SYNE2: variants seen among roughly 807,000 people sequenced by gnomAD.
The protein encoded by SYNE2 is spectrin repeat containing nuclear envelope protein 2, also known as nesprin-2.
A neutral mutation model predicts 856.3 loss-of-function variants in SYNE2; 431 were observed. The observed-to-expected ratio is 0.50, with a 90% confidence interval of 0.47 to 0.55. The LOEUF is 0.55. SYNE2 is among the 20% of genes least tolerant of loss of function. SYNE2 has a pLI of 0.00. For missense variants in SYNE2, 8,129 were observed against 8,023.2 expected (o/e 1.01, Z -0.50); for synonymous variants, 2,923 against 2,872.3 (o/e 1.02, Z -0.56).
At chr14:64,112,290 C>A (rs558904153) in intron 65 of SYNE2, among the ~76,000 whole-genome samples, 1 of 152,328 alleles carries the variant, frequency 6.6e-6, no homozygotes, top group African/African-American at 2.4e-5. Flanking sequence ...TTATTAGATG[C>A]TAACACGTTA....
chr14:64,128,462 A>C lies in SYNE2; in HGVS notation c.13928A>C (p.Lys4643Thr). ...DYNRSYQNEI[K>T]RLYHQLIKSK... ...ACATTTATCTTACAGAATGAAATAA[A>C]GAGATTATATCATCAGCTCATTAAG... Residue 4643 changes from lysine to threonine, a missense_variant, in exon 74 of 116, where the codon AAG becomes ACG. This residue lies in a region of SYNE2 where 5,410 missense variants were observed against 5,284.8 expected (regional missense o/e 1.02). Coordinates refer to ENST00000555002, the MANE Select transcript of SYNE2 (RefSeq NM_182914.3). 1.3e-6 allele frequency: 2 copies of C among 1,537,922 alleles called. No homozygotes were observed. Among genetic ancestry groups the C allele is most frequent in the Non-Finnish European group, 1.8e-6 (2 of 1,110,510 alleles).
intron 18 of SYNE2, among the ~76,000 whole-genome samples, chr14:63,985,271 C>T (rs1048861718): frequency 4.9e-5 from 7 of 142,882 alleles, no homozygotes; most frequent in East Asian, 4.1e-4. Context: ...CGGAGGTTGC[C>T]GTGAGCCAAG....
intron 45 of SYNE2, among the ~76,000 whole-genome samples, chr14:64,037,184 G>T (rs1007028211): frequency 6.6e-6 from 1 of 151,558 alleles, no homozygotes; most frequent in Admixed American, 6.6e-5. Flanking sequence ...CGCAGAGGGG[G>T]ATTTGGCGGG....
chr14:63,913,446 C>T lies in SYNE2; in HGVS notation c.79+4219C>T, dbSNP rs1405351726. Among the ~76,000 whole-genome samples the T allele has an allele frequency of 2.7e-5, 4 of 147,690 alleles. No homozygotes were observed. In the East Asian group the frequency reaches 5.9e-4, roughly 22 times the overall value. On this transcript the variant is annotated intron_variant, in intron 2 of 115. Transcript: ENST00000555002. ...TATTCATATATATATGTATTTTTTTCTTTTTCTTTTTCTTTCTTTCTTTTT... is the reference window on the plus strand; with the variant it reads ...TATTCATATATATATGTATTTTTTTTTTTTTCTTTTTCTTTCTTTCTTTTT...
rs1202003794 is a variant in SYNE2, at chr14:63,948,690, G to GTATA, written c.409-1123_409-1120dup. Among the ~76,000 whole-genome samples, 71 of 106,590 alleles carry GTATA rather than the reference G, an allele frequency of 6.7e-4. 6 individuals are homozygous for GTATA. Among genetic ancestry groups the GTATA allele is most frequent in the African/African-American group, 1.3e-3 (39 of 29,840 alleles). The allele number at this position is 106,590 out of a possible 152,430, so 69.9% of individuals were successfully genotyped here. A position where few individuals can be genotyped will look rare whatever the true frequency, so the allele number is the denominator to read the frequency against. On this transcript the variant is annotated intron_variant, in intron 6 of 115. Coordinates refer to ENST00000555002, the MANE Select transcript of SYNE2 (RefSeq NM_182914.3). ...AAAAAAAAATTATATATATATGTGT[G>GTATA]TATATATATATATATGTATATATAT...
At position 63,769,468 on chromosome 14, in the gene SYNE2, C is replaced by G. The variant is rs375179717; in HGVS notation, c.-305+7482C>G. 5.5e-4 allele frequency among the ~76,000 whole-genome samples: 83 copies of G among 152,148 alleles called. No individual in the cohort carries two copies. The South Asian group carries it at 0.012, about 22-fold the overall frequency. On this transcript the variant is annotated intron_variant, in intron 1 of 23. Transcript: ENST00000674003. ...AGATCATGAGGTCAGGAGATCGAGACCATCTTGGCTAACATGGTGAAACCC... is the reference window on the plus strand; with the variant it reads ...AGATCATGAGGTCAGGAGATCGAGAGCATCTTGGCTAACATGGTGAAACCC...
chr14:64,068,260 G>T (rs949638857), intron 51 of SYNE2, among the ~76,000 whole-genome samples: 2 of 152,112 alleles, frequency 1.3e-5, no homozygotes, highest in African/African-American at 2.4e-5. Flanking sequence ...CACCCTAGAA[G>T]TTTCCCTCGT....
chr14:63,816,044 GT>G (rs1283667690), intron 1 of SYNE2, among the ~76,000 whole-genome samples: 1 of 150,934 alleles, frequency 6.6e-6, no homozygotes, highest in Non-Finnish European at 1.5e-5. Flanking sequence ...TGCCTCCTGG[GT>G]TCAAGCAATT....
chr14:64,149,223 G>A (rs2098218229), intron 84 of SYNE2, among the ~76,000 whole-genome samples: 3 of 151,790 alleles, frequency 2.0e-5, no homozygotes, highest in Admixed American at 6.6e-5. Context: ...AGGATCACTT[G>A]AGCCAGGAGT....
Position 64,051,827 on chromosome 14 carries a change from T to G in SYNE2, c.7914T>G (p.Thr2638=), listed in dbSNP as rs1378897940. The G allele has an allele frequency of 1.2e-6, 2 of 1,614,118 alleles. No individual in the cohort carries two copies. The highest frequency in any genetic ancestry group is 3.3e-5 in the Admixed American group (2 of 60,030). The part of the protein sequence containing the change: ...FTTLMNKVQD[T]EISLQQQQQH... ...CCCTCATGAATAAGGTACAGGACACTGAGATTTCTCTGCAACAGCAGCAGC... is the reference window on the plus strand; with the variant it reads ...CCCTCATGAATAAGGTACAGGACACGGAGATTTCTCTGCAACAGCAGCAGC... The change falls in exon 48 of 116, where the codon ACT becomes ACG. Residue 2638 remains threonine (T), a synonymous_variant. Transcript: ENST00000555002.
At chr14:63,857,789 C>G (rs760874060) in intron 1 of SYNE2, among the ~76,000 whole-genome samples, 2 of 152,048 alleles carry the variant, frequency 1.3e-5, no homozygotes. Context: ...AAATTTTTTG[C>G]CCGTTTTCTT....
chr14:63,960,649 A>G, intron 8 of SYNE2: 3 of 649,200 alleles, frequency 4.6e-6, no homozygotes, highest in Admixed American at 4.3e-5. Context: ...GTTTAGGTCA[A>G]GAAACACCTC....
At chr14:64,126,927 ACT>A in intron 73 of SYNE2, 120 bp downstream of exon 73, 1 of 1,129,124 alleles carries the variant, frequency 8.9e-7, no homozygotes, top group Non-Finnish European at 1.3e-6. Context: ...AAATGATGAG[ACT>A]CTTCTGTTTG....
chr14:63,987,475 A>C (rs2096635359), intron 19 of SYNE2, among the ~76,000 whole-genome samples: 1 of 152,216 alleles, frequency 6.6e-6, no homozygotes, highest in African/African-American at 2.4e-5. Context: ...GTTTTTACTG[A>C]GTTCCAGCTC....
At chr14:64,001,016 G>A (rs1358261114) in intron 28 of SYNE2, among the ~76,000 whole-genome samples, 1 of 152,128 alleles carries the variant, frequency 6.6e-6, no homozygotes, top group Non-Finnish European at 1.5e-5. Flanking sequence ...GCATGAATTC[G>A]ACCAAGTCAC....
In SYNE2 at chr14:64,190,192, A is replaced by G. The variant is rs139295646; in HGVS notation, c.17993A>G (p.Lys5998Arg). 5 of 1,614,030 alleles carry G rather than the reference A, an allele frequency of 3.1e-6. No individual in the cohort carries two copies. The African/African-American group carries it at 5.3e-5, about 17-fold the overall frequency. The stretch of plus-strand genomic sequence containing the variant: ...GCTGAGATCGATGACAAGCTCAACA[A>G]AATTAACGATCGTTGGCAACATCTT... ...RAAEIDDKLN[K>R]INDRWQHLFD... The change falls in exon 99 of 116, where the codon AAA becomes AGA. Residue 5998 changes from lysine to arginine, a missense_variant. Physicochemically the swap from Lys to Arg is conservative, Grantham distance 26. Transcript: ENST00000555002.
chr14:63,870,953 A>T (rs1896674707), intron 1 of SYNE2, among the ~76,000 whole-genome samples: 1 of 152,028 alleles, frequency 6.6e-6, no homozygotes, highest in Non-Finnish European at 1.5e-5. Context: ...TTTATTTTCC[A>T]GCTGTTTTTT....
At chr14:63,943,774 G>A (rs1238316698) in intron 6 of SYNE2, among the ~76,000 whole-genome samples, 1 of 151,626 alleles carries the variant, frequency 6.6e-6, no homozygotes, top group East Asian at 1.9e-4. Context: ...GGGTTCAAGA[G>A]GTTCTCCTGC....
chr14:64,087,664 T>A lies in SYNE2; in HGVS notation c.11485-7T>A. 2 of 1,613,968 alleles carry A rather than the reference T, an allele frequency of 1.2e-6. No homozygotes were observed. The highest frequency in any genetic ancestry group is 8.5e-7 in the Non-Finnish European group (1 of 1,179,882). On this transcript the variant is annotated splice_region_variant and splice_polypyrimidine_tract_variant and intron_variant, in intron 57 of 115. Coordinates refer to ENST00000555002, the MANE Select transcript of SYNE2 (RefSeq NM_182914.3). Reference sequence around the variant, plus strand: ...CTCTCTATTTTTCCCATTCTGTGTTTATCTAGATGGCTTTGGAAGATTCAG... The same window carrying A: ...CTCTCTATTTTTCCCATTCTGTGTTAATCTAGATGGCTTTGGAAGATTCAG...
Sources: allele counts gnomAD v4.1 joint callset (sites outside exome capture counted in the v4.1 genomes callset), GRCh38; gene constraint gnomAD v4.1.1; regional missense constraint gnomAD v4.1.1; transcripts MANE v1.5; gene names NCBI Gene and HGNC (gene_info 2026-07-23, HGNC 2026-07-21).